The following THSD7B variants were observed in gnomAD, a reference collection of about 807,000 sequenced individuals.
THSD7B encodes the protein thrombospondin type-1 domain-containing protein 7B.
THSD7B carries 138 observed loss-of-function variants against 213.6 expected under a neutral mutation model. The observed-to-expected ratio is 0.65, with a 90% CI of 0.56 to 0.74. The LOEUF is 0.74. Ranked by LOEUF, THSD7B falls within the 30% of genes least tolerant of loss-of-function variation. THSD7B has a pLI of 0.00. For missense variants in THSD7B, 1,931 were observed against 1,991.5 expected, an observed-to-expected ratio of 0.97 and a Z score of 0.58; for synonymous variants, 742 against 687.0, an observed-to-expected ratio of 1.08 and a Z score of -1.25.
intron 2 of THSD7B, among the ~76,000 whole-genome samples, chr2:136,903,814 C>T (rs1684102232): frequency 6.6e-6 from 1 of 152,158 alleles, no homozygotes; most frequent in African/African-American, 2.4e-5. Context: ...TTTCCGTGGA[C>T]TCCCAGCACA....
At chr2:136,998,462 T>C (rs937983745) in intron 2 of THSD7B, among the ~76,000 whole-genome samples, 1 of 152,070 alleles carries the variant, frequency 6.6e-6, no homozygotes, top group Admixed American at 6.6e-5. Context: ...TTGCTCCTTA[T>C]CTCATCTGTG....
intron 12 of THSD7B, among the ~76,000 whole-genome samples, chr2:137,342,087 A>G (rs1684774664): frequency 6.6e-6 from 1 of 151,586 alleles, no homozygotes; most frequent in Non-Finnish European, 1.5e-5. Flanking sequence ...GAATTGGTAG[A>G]TTACTTTGGG....
chr2:136,849,956 A>G (rs2104962573), intron 1 of THSD7B, among the ~76,000 whole-genome samples: 2 of 152,236 alleles, frequency 1.3e-5, no homozygotes, highest in South Asian at 4.1e-4. Context: ...TTTTTGCCCT[A>G]AAACTGTTCC....
chr2:137,141,543 G>T (rs1679586816), intron 5 of THSD7B, among the ~76,000 whole-genome samples: 1 of 151,648 alleles, frequency 6.6e-6, no homozygotes, highest in Admixed American at 6.6e-5. Context: ...CAAAACTGGT[G>T]AAATCTGGGT....
intron 20 of THSD7B, among the ~76,000 whole-genome samples, chr2:137,623,072 A>G (rs1682552452): frequency 6.6e-6 from 1 of 152,188 alleles, no homozygotes; most frequent in Non-Finnish European, 1.5e-5. Context: ...CGATGCAAAA[A>G]TCCTCAATAA....
intron 1 of THSD7B, among the ~76,000 whole-genome samples, chr2:136,870,087 A>AG (rs1372841326): frequency 6.6e-6 from 1 of 151,868 alleles, no homozygotes; most frequent in Non-Finnish European, 1.5e-5. Flanking sequence ...AAAAAAAAAA[A>AG]AAGTGTCAGC....
chr2:137,523,170 C>T (rs531438272), intron 15 of THSD7B, among the ~76,000 whole-genome samples: 1 of 92,982 alleles, frequency 1.1e-5, no homozygotes, highest in South Asian at 4.4e-4. Context: ...TTATAGGTTG[C>T]AGTTATTTTG....
chr2:137,557,760 A>C (rs977739279), intron 15 of THSD7B, among the ~76,000 whole-genome samples: 1 of 152,210 alleles, frequency 6.6e-6, no homozygotes, highest in African/African-American at 2.4e-5. Flanking sequence ...CCTTCAAAAA[A>C]ACAATGAATC....
intron 21 of THSD7B, among the ~76,000 whole-genome samples, chr2:137,647,662 A>G (rs1384467027): frequency 3.3e-5 from 5 of 152,044 alleles, no homozygotes; most frequent in Middle Eastern, 3.2e-3. Context: ...ATTGATCAAT[A>G]AGAACTGGAT....
intron 15 of THSD7B, among the ~76,000 whole-genome samples, chr2:137,518,000 C>T (rs1680106172): frequency 6.6e-6 from 1 of 152,160 alleles, no homozygotes; most frequent in Non-Finnish European, 1.5e-5. Context: ...GTGGGTCATG[C>T]ACAGCAGCAT....
At chr2:137,603,229 G>A (rs942248281) in intron 17 of THSD7B, among the ~76,000 whole-genome samples, 3 of 152,174 alleles carry the variant, frequency 2.0e-5, no homozygotes, top group African/African-American at 7.2e-5. Flanking sequence ...GTGCTTTCAA[G>A]CTTATCTCAC....
chr2:137,297,801 T>C (rs62171142), intron 12 of THSD7B, among the ~76,000 whole-genome samples: 9,379 of 152,202 alleles, frequency 0.062, 540 homozygotes, highest in African/African-American at 0.14. Flanking sequence ...GCCGCTGCCA[T>C]GTAAGAAGTG....
rs185228980 is a variant in THSD7B at position 137,451,313 on chromosome 2, G to C, written c.3138+290G>C. ...AAGCTATAATTTTGATATTTTAAAA[G>C]TTGGATATATATATGTGTGTATATA... is the stretch of plus-strand genomic sequence containing the variant. On this transcript the variant is annotated intron_variant, in intron 15 of 27. Transcript: ENST00000409968. 2.0e-5 allele frequency among the ~76,000 whole-genome samples: 3 copies of C among 151,516 alleles called. No homozygotes were observed. The East Asian group carries it at 5.8e-4, about 29-fold the overall frequency.
Position 137,401,215 on chromosome 2 carries a change from C to T in THSD7B, c.2501-4398C>T, listed in dbSNP as rs529163755. Among the ~76,000 whole-genome samples, 4 of 152,162 alleles carry T rather than the reference C, an allele frequency of 2.6e-5. No individual in the cohort carries two copies. In the South Asian group the frequency reaches 8.3e-4, roughly 32 times the overall value. On this transcript the variant is annotated intron_variant, in intron 12 of 27. Transcript: ENST00000409968. ...TTAATATGTTTTTAAACTCTCTTTC[C>T]CCAGGAGTTGTGCAATGGAAGGGGC...
At chr2:137,293,076 A>C (rs1683375198) in intron 12 of THSD7B, among the ~76,000 whole-genome samples, 1 of 152,028 alleles carries the variant, frequency 6.6e-6, no homozygotes, top group African/African-American at 2.4e-5. Context: ...GAGTGGGCCC[A>C]GGTGGTACTT....
At chr2:137,652,212 T>C (rs1388994079) in intron 21 of THSD7B, among the ~76,000 whole-genome samples, 1 of 152,066 alleles carries the variant, frequency 6.6e-6, no homozygotes, top group East Asian at 1.9e-4. Flanking sequence ...AATCTATTAA[T>C]GTTTTCTTTA....
At chr2:137,403,838 A>T (rs556195810) in intron 12 of THSD7B, among the ~76,000 whole-genome samples, 5 of 152,262 alleles carry the variant, frequency 3.3e-5, no homozygotes, top group Non-Finnish European at 4.4e-5. Context: ...ACCACTTAAG[A>T]GGGGTGGATG....
chr2:137,663,537 A>G lies in THSD7B; in HGVS notation c.4613A>G (p.Asp1538Gly). 6.2e-7 allele frequency: 1 copy of G among 1,609,142 alleles called. No individual in the cohort carries two copies. The highest frequency in any genetic ancestry group is 8.5e-7 in the Non-Finnish European group (1 of 1,177,482). The change falls in exon 26 of 28, where the codon GAT becomes GGT. Residue 1538 changes from aspartate to glycine, a missense_variant. Physicochemically the swap from Asp to Gly is moderately conservative, Grantham distance 94. Transcript: ENST00000409968. ...AGACCTGTGAATTCAAAAATACATG[A>G]TATTTTTAAAGGATGGTCTCTTCAA... Reference protein sequence around the residue: ...KNRPVNSKIHDIFKGWSLQPL... With the variant: ...KNRPVNSKIHGIFKGWSLQPL...
At chr2:137,152,763 G>A (rs1363014527) in intron 5 of THSD7B, among the ~76,000 whole-genome samples, 4 of 152,166 alleles carry the variant, frequency 2.6e-5, no homozygotes, top group Non-Finnish European at 5.9e-5. Context: ...AAAGTGCTGG[G>A]TGTGAAGAGG....
Sources: allele counts gnomAD v4.1 joint callset (sites outside exome capture counted in the v4.1 genomes callset), GRCh38; gene constraint gnomAD v4.1.1; transcripts MANE v1.5; gene names NCBI Gene and HGNC (gene_info 2026-07-23, HGNC 2026-07-21).